The following ACLY variants were observed in gnomAD, a reference collection of about 807,000 sequenced individuals.
ACLY encodes ATP citrate lyase.
A neutral mutation model predicts 133.0 loss-of-function variants in ACLY; 41 were observed. The observed-to-expected ratio is 0.31, with a 90% CI of 0.24 to 0.40. ACLY has a LOEUF of 0.40. ACLY is among the 10% of genes least tolerant of loss of function. The pLI is 1.00. For synonymous variants in ACLY, 495 were observed against 549.3 expected (o/e 0.90, Z 1.38); for missense variants, 1,046 against 1,453.8 (o/e 0.72, Z 4.56).
upstream of ACLY, among the ~76,000 whole-genome samples, chr17:41,921,962 G>A (rs2050188605): frequency 6.6e-6 from 1 of 152,204 alleles, no homozygotes. Flanking sequence ...TTGGGAGGCT[G>A]AGGCAGGCAG....
chr17:41,901,654 C>G, intron 11 of ACLY, 42 bp downstream of exon 11: 4 of 1,546,344 alleles, frequency 2.6e-6, no homozygotes, highest in Non-Finnish European at 3.6e-6. Flanking sequence ...GGAAGGCCAC[C>G]CACACTCAGG....
chr17:41,869,015 TGAA>T (rs782434054), intron 27 of ACLY, 25 bp downstream of exon 27: 4 of 1,571,360 alleles, frequency 2.5e-6, no homozygotes, highest in Non-Finnish European at 3.5e-6. Flanking sequence ...ACAAACGTAA[TGAA>T]GAAGAAAACA....
chr17:41,905,855 T>G (rs1423673558), intron 8 of ACLY, among the ~76,000 whole-genome samples, 197 bp from the exon 9 acceptor site: 1 of 152,226 alleles, frequency 6.6e-6, no homozygotes, highest in Non-Finnish European at 1.5e-5. Flanking sequence ...TTCTGGGCAG[T>G]GCACTCTGCC....
At chr17:41,885,613 C>T (rs1263953469) in intron 18 of ACLY, among the ~76,000 whole-genome samples, 1 of 152,186 alleles carries the variant, frequency 6.6e-6, no homozygotes, top group East Asian at 1.9e-4. Context: ...CTGCTGAACG[C>T]AGGCCCTGGC....
Position 41,893,136 on chromosome 17 carries a change from T to C in ACLY, c.1498A>G (p.Ile500Val). The C allele has an allele frequency of 1.2e-6, 2 of 1,613,850 alleles. No individual in the cohort carries two copies. The highest frequency in any genetic ancestry group is 1.7e-6 in the Non-Finnish European group (2 of 1,179,884). ...GCCCGGGTCTGCATGCCCCACACAA[T>C]GGCCTTGGTGTGGCGGCTGAAGAGG... ...TTLFSRHTKA[I>V]VWGMQTRAVQ... is the part of the protein sequence containing the mutation. The change falls in exon 15 of 29, where the codon ATT becomes GTT. Residue 500 changes from isoleucine to valine, a missense_variant. By Grantham distance (29) the Ile-to-Val change is conservative. Coordinates refer to ENST00000352035, the MANE Select transcript of ACLY (RefSeq NM_001096.3).
In ACLY at chr17:41,900,078, AAAAAAAAAAAAAAAAAAATTGCCT is replaced by A. The variant is rs1345259408; in HGVS notation, c.1184-1317_1184-1294del. On this transcript the variant is annotated intron_variant, in intron 11 of 28. Coordinates refer to ENST00000352035, the MANE Select transcript of ACLY (RefSeq NM_001096.3). ...AGTGAGACCCTGTCTCCAAAAAAAA[AAAAAAAAAAAAAAAAAAATTGCCT>A]ATAATCTCAGCACTTTGGGAGGCCG... 3.3e-4 allele frequency among the ~76,000 whole-genome samples: 45 copies of A among 136,724 alleles called. 1 individual carries two copies. Among genetic ancestry groups the A allele is most frequent in the Admixed American group, 1.2e-3 (17 of 14,478 alleles). 89.7% of individuals were successfully genotyped at this position (136,724 alleles called of 152,430 possible).
At chr17:41,908,638 C>T (rs549668602) in intron 6 of ACLY, among the ~76,000 whole-genome samples, 62 of 152,202 alleles carry the variant, frequency 4.1e-4, no homozygotes, top group Non-Finnish European at 7.1e-4. Context: ...GTGGCGGGCA[C>T]CTGTAATCCC....
intron 10 of ACLY, chr17:41,904,338 A>G (rs2049640897): frequency 7.7e-6 from 1 of 130,126 alleles, no homozygotes; most frequent in African/African-American, 3.1e-5. Flanking sequence ...GAAGGGAAGA[A>G]GGAAGGGAAG....
intron 1 of ACLY, 54 bp from the exon 2 acceptor site, chr17:41,913,950 C>T: frequency 6.4e-7 from 1 of 1,573,584 alleles, no homozygotes; most frequent in Non-Finnish European, 8.7e-7. Context: ...GAGGCACTAT[C>T]TTCCCCAGCA....
chr17:41,916,530 C>G (rs530291061), intron 1 of ACLY, among the ~76,000 whole-genome samples: 1 of 73,776 alleles, frequency 1.4e-5, no homozygotes, highest in African/African-American at 4.1e-5. Flanking sequence ...CACGCCACCA[C>G]GCCCATCTAA....
At chr17:41,927,755 G>A (rs568131645) in intron 1 of ACLY, among the ~76,000 whole-genome samples, 13 of 152,164 alleles carry the variant, frequency 8.5e-5, no homozygotes, top group Admixed American at 2.6e-4. Flanking sequence ...GAACCTGGGA[G>A]GCAGAGGTGG....
rs782652982 is a variant in ACLY at position 41,886,320 on chromosome 17, G to A, written c.1876-12C>T. 9.6e-5 allele frequency: 153 copies of A among 1,593,558 alleles called. 2 individuals are homozygous for A. The highest frequency in any genetic ancestry group is 9.1e-4 in the South Asian group (82 of 90,306). ...TTGATGCCTCCAACCTGTGGGGGCA[G>A]AAACCACAATCAGGGAGGAAGGTGA... is the stretch of plus-strand genomic sequence containing the variant. On this transcript the variant is annotated splice_polypyrimidine_tract_variant and intron_variant, in intron 17 of 28. Coordinates refer to ENST00000352035, the MANE Select transcript of ACLY (RefSeq NM_001096.3).
upstream of ACLY, chr17:41,919,170 T>G (rs1195968013): frequency 3.3e-6 from 3 of 906,552 alleles, no homozygotes; most frequent in African/African-American, 3.7e-5. Context: ...ATCCACCGCC[T>G]CTTGGGAGCC....
intron 16 of ACLY, among the ~76,000 whole-genome samples, chr17:41,891,565 A>AT (rs2049213402): frequency 6.7e-6 from 1 of 149,578 alleles, no homozygotes; most frequent in African/African-American, 2.5e-5. Context: ...TTTTTTTTTA[A>AT]TTTTTTTATA....
intron 11 of ACLY, among the ~76,000 whole-genome samples, chr17:41,900,628 G>A (rs1050271361): frequency 6.6e-6 from 1 of 152,030 alleles, no homozygotes; most frequent in Non-Finnish European, 1.5e-5. Flanking sequence ...GGGAGGCTGA[G>A]GAGGGAGGAT....
intron 7 of ACLY, 144 bp from the exon 8 acceptor site, chr17:41,906,790 A>C: frequency 1.4e-6 from 1 of 719,286 alleles, no homozygotes. Flanking sequence ...AGGGCCCCAC[A>C]TGCCTTGAAG....
Position 41,892,374 on chromosome 17 carries a change from C to T in ACLY, c.1675G>A (p.Ala559Thr). 1 of 1,613,734 alleles carries T rather than the reference C, an allele frequency of 6.2e-7. No individual in the cohort carries two copies. The highest frequency in any genetic ancestry group is 8.5e-7 in the Non-Finnish European group (1 of 1,179,936). Residue 559 changes from alanine to threonine, a missense_variant, in exon 16 of 29, where the codon GCC becomes ACC. Transcript: ENST00000352035. Reference protein sequence around the residue: ...LIPVFKNMADAMRKHPEVDVL... With the variant: ...LIPVFKNMADTMRKHPEVDVL... ...TCTACCTCCGGATGCTTCCTCATGG[C>T]ATCAGCCATGTTCTTGAAGACAGGG...
intron 11 of ACLY, among the ~76,000 whole-genome samples, chr17:41,899,352 C>T (rs2049461312): frequency 1.3e-5 from 2 of 152,100 alleles, no homozygotes; most frequent in Non-Finnish European, 2.9e-5. Flanking sequence ...GCCCATATTC[C>T]TCCTGTTCGC....
At chr17:41,881,061 G>A (rs2048903046) in intron 20 of ACLY, among the ~76,000 whole-genome samples, 4 of 151,868 alleles carry the variant, frequency 2.6e-5, no homozygotes, top group African/African-American at 7.3e-5. Flanking sequence ...AATGGAGGAG[G>A]GTGACTGGTT....
Sources: gnomAD v4.1 joint callset for allele counts (sites outside exome capture counted in the v4.1 genomes callset) on GRCh38, gnomAD v4.1.1 for gene constraint, MANE v1.5 for transcripts, NCBI Gene and HGNC (gene_info 2026-07-23, HGNC 2026-07-21) for gene names.